Variants in SMIM31 observed in about 807,000 individuals in gnomAD.
SMIM31 encodes the protein human epithelial cell program regulator.
intron 1 of SMIM31, among the ~76,000 whole-genome samples, chr4:164,756,940 A>T (rs73871397): frequency 0.011 from 1,725 of 152,310 alleles, 26 homozygotes; most frequent in African/African-American, 0.038. Context: ...GTAAATACCC[A>T]GAAGTGGAAC....
At chr4:164,758,401 T>C (rs1240350180) in intron 1 of SMIM31, among the ~76,000 whole-genome samples, 4 of 152,192 alleles carry the variant, frequency 2.6e-5, no homozygotes, top group African/African-American at 7.2e-5. Flanking sequence ...GCCTTCAGTG[T>C]AAGTTGGATA....
At chr4:164,758,933 G>T (rs540492053) in intron 1 of SMIM31, among the ~76,000 whole-genome samples, 1 of 146,190 alleles carries the variant, frequency 6.8e-6, no homozygotes, top group East Asian at 2.0e-4. Context: ...CTCCCAAAGT[G>T]CTAGGATTAC....
At chr4:164,773,381 A>C (rs1732837919) in intron 2 of SMIM31, among the ~76,000 whole-genome samples, 1 of 152,222 alleles carries the variant, frequency 6.6e-6, no homozygotes, top group Non-Finnish European at 1.5e-5. Context: ...AAACTGGGTA[A>C]TTTATAAAGG....
intron 2 of SMIM31, among the ~76,000 whole-genome samples, chr4:164,793,692 C>T (rs1733136660): frequency 6.6e-6 from 1 of 152,110 alleles, no homozygotes; most frequent in African/African-American, 2.4e-5. Context: ...TTCTATTAGA[C>T]CTGAGCCCCA....
At chr4:164,786,694 C>A (rs907231957) in intron 2 of SMIM31, among the ~76,000 whole-genome samples, 4 of 152,120 alleles carry the variant, frequency 2.6e-5, no homozygotes, top group Non-Finnish European at 4.4e-5. Context: ...AGTGGCAAGG[C>A]TTTATAGGTA....
In SMIM31 at chr4:164,778,488, A is replaced by T. The variant is rs777309962; in HGVS notation, c.112+7933A>T. Among the ~76,000 whole-genome samples, 17 of 152,342 alleles carry T rather than the reference A, an allele frequency of 1.1e-4. No homozygotes were observed. The East Asian group carries it at 3.1e-3, about 28-fold the overall frequency. ...TATGTGATGACTCGATGAAAAATTT[A>T]TTCCCTTGGTACACAATTTGGGTTG... On this transcript the variant is annotated intron_variant, in intron 2 of 2. Coordinates refer to ENST00000507311, the MANE Select transcript of SMIM31 (RefSeq NM_001352885.1).
At chr4:164,797,378 T>C (rs566438765) in intron 2 of SMIM31, among the ~76,000 whole-genome samples, 1 of 151,878 alleles carries the variant, frequency 6.6e-6, no homozygotes, top group Non-Finnish European at 1.5e-5. Context: ...CACAGACCAA[T>C]AGAATATAGA....
intron 2 of SMIM31, among the ~76,000 whole-genome samples, chr4:164,786,726 G>A (rs974260213): frequency 2.1e-4 from 32 of 152,074 alleles, no homozygotes; most frequent in African/African-American, 7.5e-4. Context: ...CAATGAAGCC[G>A]GATTAAATTT....
At chr4:164,773,925 G>C (rs1448619019) in intron 2 of SMIM31, among the ~76,000 whole-genome samples, 1 of 152,156 alleles carries the variant, frequency 6.6e-6, no homozygotes, top group Non-Finnish European at 1.5e-5. Flanking sequence ...CCAGCACTTT[G>C]GGAGGCCGAG....
chr4:164,765,012 T>C (rs1732702382), intron 1 of SMIM31, among the ~76,000 whole-genome samples: 1 of 152,060 alleles, frequency 6.6e-6, no homozygotes, highest in Non-Finnish European at 1.5e-5. Context: ...ACCAAAACAG[T>C]TTAGGGAAAA....
At chr4:164,766,209 A>G (rs1348337576) in intron 1 of SMIM31, among the ~76,000 whole-genome samples, 1 of 152,224 alleles carries the variant, frequency 6.6e-6, no homozygotes, top group Non-Finnish European at 1.5e-5. Context: ...GCCATTTTCA[A>G]AATATACTTC....
At chr4:164,787,854 C>T (rs1417507472) in intron 2 of SMIM31, among the ~76,000 whole-genome samples, 1 of 152,138 alleles carries the variant, frequency 6.6e-6, no homozygotes, top group African/African-American at 2.4e-5. Flanking sequence ...CATAGCATCG[C>T]TTTCTGATTT....
In SMIM31 at chr4:164,779,505, T is replaced by C. The variant is rs1302104023; in HGVS notation, c.112+8950T>C. Among the ~76,000 whole-genome samples the C allele has an allele frequency of 2.0e-5, 3 of 147,882 alleles. No homozygotes were observed. The East Asian group carries it at 6.1e-4, about 30-fold the overall frequency. On this transcript the variant is annotated intron_variant, in intron 2 of 2. Coordinates refer to ENST00000507311, the MANE Select transcript of SMIM31 (RefSeq NM_001352885.1). Reference sequence around the variant, plus strand: ...TTATTTCACATAGTTTTAAAGTTATTTTTCTGCAAATTTTTGTCATGGAAA... The same window carrying C: ...TTATTTCACATAGTTTTAAAGTTATCTTTCTGCAAATTTTTGTCATGGAAA...
chr4:164,772,269 C>T (rs1354002060), intron 2 of SMIM31, among the ~76,000 whole-genome samples: 3 of 130,886 alleles, frequency 2.3e-5, no homozygotes, highest in Non-Finnish European at 3.4e-5. Flanking sequence ...TTTAAACACC[C>T]AGATTCATGA....
intron 2 of SMIM31, among the ~76,000 whole-genome samples, chr4:164,795,249 A>C (rs1376325416): frequency 6.6e-6 from 1 of 152,188 alleles, no homozygotes; most frequent in African/African-American, 2.4e-5. Flanking sequence ...ACCTATAACA[A>C]AGGGTTAATA....
At chr4:164,770,814 G>A (rs995498460) in intron 2 of SMIM31, among the ~76,000 whole-genome samples, 1 of 115,212 alleles carries the variant, frequency 8.7e-6, no homozygotes, top group Non-Finnish European at 2.1e-5. Flanking sequence ...TAAAAACCCA[G>A]TACCACATTT....
intron 1 of SMIM31, among the ~76,000 whole-genome samples, chr4:164,756,431 G>A (rs1021376808): frequency 2.6e-5 from 4 of 151,962 alleles, no homozygotes; most frequent in African/African-American, 4.8e-5. Flanking sequence ...AATTAGCCAG[G>A]TGTGGTGGTG....
intron 2 of SMIM31, 67 bp from the exon 3 acceptor site, chr4:164,801,024 A>G (rs1733276120): frequency 2.5e-6 from 1 of 397,464 alleles, no homozygotes; most frequent in African/African-American, 2.1e-5. Context: ...CTTATAACCG[A>G]AGTTAATTTC....
intron 2 of SMIM31, among the ~76,000 whole-genome samples, chr4:164,785,457 C>T (rs1186176036): frequency 6.6e-6 from 1 of 152,010 alleles, no homozygotes; most frequent in Non-Finnish European, 1.5e-5. Context: ...ATGGAGATAA[C>T]AACACGTATC....
Sources: gnomAD v4.1 joint callset for allele counts (sites outside exome capture counted in the v4.1 genomes callset) on GRCh38, gnomAD v4.1.1 for gene constraint, MANE v1.5 for transcripts, NCBI Gene and HGNC (gene_info 2026-07-23, HGNC 2026-07-21) for gene names.